B3GALT1: variants seen among roughly 807,000 people sequenced by gnomAD.
B3GALT1 encodes the protein UDP-Gal:betaGlcNAc beta 1,3-galactosyltransferase, polypeptide 1.
A neutral mutation model predicts 23.2 loss-of-function variants in B3GALT1; 10 were observed. That is an observed-to-expected ratio of 0.43 (90% confidence interval 0.27 to 0.73). B3GALT1 has a LOEUF of 0.73. B3GALT1 is among the 30% of genes least tolerant of loss of function. B3GALT1 has a pLI of 0.21. For missense variants in B3GALT1, 299 were observed against 405.4 expected (o/e 0.74, Z 2.25); for synonymous variants, 156 against 141.5 (o/e 1.10, Z -0.73).
chr2:167,351,338 C>T (rs1328295366), intron 1 of B3GALT1, among the ~76,000 whole-genome samples: 1 of 151,492 alleles, frequency 6.6e-6, no homozygotes, highest in African/African-American at 2.4e-5. Context: ...TAAGTTTTGT[C>T]CTACTGGAGG....
chr2:167,421,528 A>G (rs1451181666), intron 1 of B3GALT1, among the ~76,000 whole-genome samples: 1 of 152,222 alleles, frequency 6.6e-6, no homozygotes, highest in Non-Finnish European at 1.5e-5. Flanking sequence ...GAAGGAGCAG[A>G]TGAATACTGG....
chr2:167,479,108 A>G (rs1699528388), intron 1 of B3GALT1, among the ~76,000 whole-genome samples: 1 of 151,966 alleles, frequency 6.6e-6, no homozygotes, highest in South Asian at 2.1e-4. Flanking sequence ...AATAAATAAA[A>G]GAAATGCTGT....
At chr2:167,456,925 C>T (rs1699181462) in intron 1 of B3GALT1, among the ~76,000 whole-genome samples, 1 of 152,120 alleles carries the variant, frequency 6.6e-6, no homozygotes, top group African/African-American at 2.4e-5. Flanking sequence ...GTAATTAACT[C>T]AAACTCCACC....
At chr2:167,859,181 C>T (rs764378546) in intron 4 of B3GALT1, among the ~76,000 whole-genome samples, 4 of 152,082 alleles carry the variant, frequency 2.6e-5, no homozygotes, top group Non-Finnish European at 5.9e-5. Context: ...ATCACATTGC[C>T]GGGCTTCTAG....
At chr2:167,859,784 C>A (rs1278252964) in intron 4 of B3GALT1, among the ~76,000 whole-genome samples, 2 of 152,054 alleles carry the variant, frequency 1.3e-5, no homozygotes, top group Non-Finnish European at 2.9e-5. Flanking sequence ...TTAAAAGGAA[C>A]AAATTAGCTC....
intron 3 of B3GALT1, among the ~76,000 whole-genome samples, chr2:167,799,954 G>GTA (rs1410079086): frequency 2.1e-5 from 2 of 97,124 alleles, no homozygotes; most frequent in African/African-American, 1.0e-4. Context: ...CAATGTGTAT[G>GTA]TATACACTTA....
chr2:167,820,607 C>A lies in B3GALT1; in HGVS notation c.-230+1814C>A, dbSNP rs988279003. Among the ~76,000 whole-genome samples the A allele has an allele frequency of 1.2e-4, 18 of 152,342 alleles. No individual in the cohort carries two copies. In the East Asian group the frequency reaches 1.7e-3, roughly 15 times the overall value. Reference sequence around the variant, plus strand: ...GAACAGAGTGCCCCTCTCCGTCCCCCCAACCCATGGACCCACAATGGACCT... The same window carrying A: ...GAACAGAGTGCCCCTCTCCGTCCCCACAACCCATGGACCCACAATGGACCT... On this transcript the variant is annotated intron_variant, in intron 4 of 4. Coordinates refer to ENST00000392690, the MANE Select transcript of B3GALT1 (RefSeq NM_020981.4).
intron 1 of B3GALT1, among the ~76,000 whole-genome samples, chr2:167,461,058 C>G (rs895650526): frequency 2.0e-5 from 3 of 152,110 alleles, no homozygotes; most frequent in Non-Finnish European, 4.4e-5. Flanking sequence ...GAAGGGCTTG[C>G]AACAATGGGA....
At chr2:167,402,679 A>G (rs1381357271) in intron 1 of B3GALT1, among the ~76,000 whole-genome samples, 1 of 152,190 alleles carries the variant, frequency 6.6e-6, no homozygotes, top group Non-Finnish European at 1.5e-5. Flanking sequence ...TAATACAACC[A>G]GTAAGCAGCA....
At chr2:167,612,551 A>G (rs540383532) in intron 2 of B3GALT1, among the ~76,000 whole-genome samples, 3 of 151,800 alleles carry the variant, frequency 2.0e-5, no homozygotes, top group Non-Finnish European at 2.9e-5. Context: ...CTTGATTTGC[A>G]TAGGATAGGT....
chr2:167,567,885 C>T (rs1237886520), intron 2 of B3GALT1, among the ~76,000 whole-genome samples: 1 of 152,094 alleles, frequency 6.6e-6, no homozygotes, highest in African/African-American at 2.4e-5. Flanking sequence ...TGTGCCCCAC[C>T]TATTCATCCT....
intron 3 of B3GALT1, among the ~76,000 whole-genome samples, chr2:167,660,449 C>T (rs533862589): frequency 6.6e-6 from 1 of 152,176 alleles, no homozygotes; most frequent in East Asian, 1.9e-4. Context: ...GCTTAATGTT[C>T]TCTAAGATTG....
At chr2:167,624,287 G>A (rs989489437) in intron 2 of B3GALT1, among the ~76,000 whole-genome samples, 2 of 151,942 alleles carry the variant, frequency 1.3e-5, no homozygotes, top group African/African-American at 2.4e-5. Flanking sequence ...TTAGACCCCC[G>A]GAGATTGAAA....
At position 167,869,086 on chromosome 2, in the gene B3GALT1, G is replaced by A. The variant is rs778716438; in HGVS notation, c.47G>A (p.Trp16Ter). ...SCLYVLTVVC[W>*]ASALWYLSIT... ...TTGTATGTTTTGACAGTTGTGTGCT[G>A]GGCCAGCGCTCTCTGGTACTTGAGT... The change falls in exon 5 of 5, where the codon TGG (tryptophan) becomes TAG (stop). Residue 16 changes from tryptophan to a stop codon, truncating the protein, a stop_gained. Coordinates refer to ENST00000392690, the MANE Select transcript of B3GALT1 (RefSeq NM_020981.4). LOFTEE classifies it high-confidence loss of function. The surrounding 1 kb of genome is among the most constrained non-coding windows in gnomAD (Gnocchi z 6.4). 6.2e-7 allele frequency: 1 copy of A among 1,613,946 alleles called. No individual in the cohort carries two copies. Among genetic ancestry groups the A allele is most frequent in the South Asian group, 1.1e-5 (1 of 91,042 alleles).
chr2:167,562,753 AG>A (rs1287680463), intron 2 of B3GALT1, among the ~76,000 whole-genome samples: 1 of 151,852 alleles, frequency 6.6e-6, no homozygotes, highest in Non-Finnish European at 1.5e-5. Flanking sequence ...CAGATAAACA[AG>A]TGAACAAAGG....
rs111978877 is a variant in B3GALT1 at position 167,329,717 on chromosome 2, T to C, written c.-511+36383T>C. The stretch of plus-strand genomic sequence containing the variant: ...CTGGTCTAGTAGGGATTAATTTCCT[T>C]AGCTTTGGTTTTTCTGGGAAAGACT... On this transcript the variant is annotated intron_variant, in intron 1 of 4. Transcript: ENST00000392690. Among the ~76,000 whole-genome samples the C allele has an allele frequency of 5.9e-3, 906 of 152,332 alleles. 15 individuals are homozygous for C. Among genetic ancestry groups the C allele is most frequent in the African/African-American group, 0.021 (857 of 41,568 alleles).
chr2:167,474,835 T>G (rs1699467967), intron 1 of B3GALT1, among the ~76,000 whole-genome samples: 1 of 152,168 alleles, frequency 6.6e-6, no homozygotes, highest in South Asian at 2.1e-4. Flanking sequence ...AAGGTGTAGT[T>G]TGCTCTCCAA....
intron 3 of B3GALT1, among the ~76,000 whole-genome samples, chr2:167,726,613 A>C (rs752294765): frequency 6.6e-6 from 1 of 152,252 alleles, no homozygotes; most frequent in Non-Finnish European, 1.5e-5. Flanking sequence ...TATTTTATAT[A>C]CTTTGTCTAG....
chr2:167,544,149 C>A (rs1380308679), intron 2 of B3GALT1, among the ~76,000 whole-genome samples: 1 of 152,150 alleles, frequency 6.6e-6, no homozygotes, highest in Non-Finnish European at 1.5e-5. Flanking sequence ...ATGGTCAGAC[C>A]TGGGTCACAT....
Sources: allele counts gnomAD v4.1 joint callset (sites outside exome capture counted in the v4.1 genomes callset), GRCh38; gene constraint gnomAD v4.1.1; non-coding constraint Gnocchi (gnomAD v3.1); transcripts MANE v1.5; gene names NCBI Gene and HGNC (gene_info 2026-07-23, HGNC 2026-07-21).